TACR3: variants seen among roughly 807,000 people sequenced by gnomAD.
TACR3 encodes the protein tachykinin receptor 3, also known as neuromedin-K receptor.
Under a neutral mutation model 35.0 loss-of-function variants are expected in TACR3, and 34 were observed. The observed-to-expected ratio is 0.97, with a 90% CI of 0.74 to 1.30. The LOEUF is 1.30. Ranked by LOEUF, TACR3 falls within the 50% of genes most tolerant of loss-of-function variation. The pLI, the probability that TACR3 is intolerant of heterozygous loss-of-function variation, is 0.00. For missense variants in TACR3, 558 were observed against 591.7 expected (o/e 0.94, Z 0.59); for synonymous variants, 233 against 221.1 (o/e 1.05, Z -0.48).
At chr4:103,686,454 T>C (rs987550685) in intron 1 of TACR3, among the ~76,000 whole-genome samples, 11 of 152,042 alleles carry the variant, frequency 7.2e-5, no homozygotes, top group Admixed American at 2.0e-4. Flanking sequence ...AATGGTACCA[T>C]AGACCACAAA....
chr4:103,616,553 T>C (rs1011368308), intron 3 of TACR3, among the ~76,000 whole-genome samples: 3 of 152,152 alleles, frequency 2.0e-5, no homozygotes, highest in Admixed American at 6.6e-5. Flanking sequence ...ACCCTAATTT[T>C]CCCAGGTGTA....
intron 1 of TACR3, among the ~76,000 whole-genome samples, chr4:103,688,977 T>C (rs74677393): frequency 0.12 from 18,003 of 151,864 alleles, 1,471 homozygotes; most frequent in East Asian, 0.43. Context: ...CTATTCACAA[T>C]AGCAAAGACT....
At chr4:103,706,874 C>G in intron 1 of TACR3, among the ~76,000 whole-genome samples, 1 of 152,182 alleles carries the variant, frequency 6.6e-6, no homozygotes, top group East Asian at 1.9e-4. Flanking sequence ...CCATATATTA[C>G]AACTTTGAGT....
chr4:103,598,130 T>C (rs7654457), intron 3 of TACR3, among the ~76,000 whole-genome samples: 90,542 of 151,894 alleles, frequency 0.6, 27,640 homozygotes, highest in Non-Finnish European at 0.65. Flanking sequence ...TCCTGACTTT[T>C]TAATGATCAC....
chr4:103,624,759 T>C (rs1225041836), intron 3 of TACR3, among the ~76,000 whole-genome samples: 2 of 152,188 alleles, frequency 1.3e-5, no homozygotes, highest in Non-Finnish European at 2.9e-5. Flanking sequence ...GTAATTCCCT[T>C]TTGACTTGAA....
At position 103,719,159 on chromosome 4, in the gene TACR3, T is replaced by A; in HGVS notation, c.517A>T (p.Ile173Phe). ...FFPITAVFASIYSMTAIAVDR... is the reference protein window; with the variant it reads ...FFPITAVFASFYSMTAIAVDR... ...ACCGCAATGGCCGTCATGGAGTAGA[T>A]GCTGGCGAACACAGCTGTGATAGGA... The change falls in exon 1 of 5, where the codon ATC becomes TTC. Residue 173 changes from isoleucine to phenylalanine, a missense_variant. Physicochemically the swap from Ile to Phe is conservative, Grantham distance 21. Transcript: ENST00000304883. 6.2e-7 allele frequency: 1 copy of A among 1,614,198 alleles called. No individual in the cohort carries two copies. Among genetic ancestry groups the A allele is most frequent in the Non-Finnish European group, 8.5e-7 (1 of 1,180,030 alleles).
intron 1 of TACR3, among the ~76,000 whole-genome samples, chr4:103,669,985 A>G (rs1553910479): frequency 6.6e-6 from 1 of 151,782 alleles, no homozygotes; most frequent in Non-Finnish European, 1.5e-5. Context: ...TTTTTATTTG[A>G]TTTTTTATAT....
At chr4:103,606,450 T>C (rs1445154887) in intron 3 of TACR3, among the ~76,000 whole-genome samples, 4 of 152,340 alleles carry the variant, frequency 2.6e-5, no homozygotes, top group Admixed American at 6.5e-5. Context: ...ATTCTTCCTA[T>C]CCATGAGCAT....
intron 3 of TACR3, among the ~76,000 whole-genome samples, chr4:103,634,372 A>G (rs919944557): frequency 6.6e-6 from 1 of 151,940 alleles, no homozygotes; most frequent in Non-Finnish European, 1.5e-5. Flanking sequence ...AGGTTGGGGG[A>G]ATGAGATTGG....
intron 3 of TACR3, among the ~76,000 whole-genome samples, chr4:103,628,317 G>A (rs1322387033): frequency 6.6e-6 from 1 of 152,142 alleles, no homozygotes; most frequent in East Asian, 1.9e-4. Context: ...GAAGGAGATA[G>A]AGACACAAAA....
intron 3 of TACR3, among the ~76,000 whole-genome samples, chr4:103,622,075 T>G (rs1381332486): frequency 6.6e-6 from 1 of 152,124 alleles, no homozygotes; most frequent in African/African-American, 2.4e-5. Flanking sequence ...ACCAATGCCA[T>G]GGACAGGGAG....
intron 1 of TACR3, among the ~76,000 whole-genome samples, chr4:103,682,572 CAT>C (rs984006548): frequency 6.6e-6 from 1 of 152,088 alleles, no homozygotes; most frequent in African/African-American, 2.4e-5. Context: ...TCCCTCGACA[CAT>C]AGGGATTATG....
chr4:103,697,660 G>A (rs1417758678), intron 1 of TACR3, among the ~76,000 whole-genome samples: 3 of 151,878 alleles, frequency 2.0e-5, no homozygotes, highest in African/African-American at 4.8e-5. Context: ...TCCTGACCTC[G>A]TGATCCGCCC....
chr4:103,705,802 T>C (rs1054120807), intron 1 of TACR3, among the ~76,000 whole-genome samples: 2 of 152,148 alleles, frequency 1.3e-5, no homozygotes, highest in African/African-American at 4.8e-5. Context: ...ATTTATGAAC[T>C]TGAAAGAGGA....
At chr4:103,643,672 G>A (rs1461204934) in intron 3 of TACR3, among the ~76,000 whole-genome samples, 1 of 151,696 alleles carries the variant, frequency 6.6e-6, no homozygotes, top group Non-Finnish European at 1.5e-5. Context: ...TGAGTACAAC[G>A]ATATATGTCA....
intron 3 of TACR3, among the ~76,000 whole-genome samples, chr4:103,652,690 G>C (rs1348917405): frequency 6.6e-6 from 1 of 151,800 alleles, no homozygotes; most frequent in Non-Finnish European, 1.5e-5. Context: ...TTAAGAGTCT[G>C]GCTCAGAGTA....
At chr4:103,686,225 AC>A in intron 1 of TACR3, among the ~76,000 whole-genome samples, 1 of 152,104 alleles carries the variant, frequency 6.6e-6, no homozygotes, top group East Asian at 1.9e-4. Context: ...GAGATACTAG[AC>A]CCTGGATGAA....
At chr4:103,673,314 C>A (rs1169477371) in intron 1 of TACR3, among the ~76,000 whole-genome samples, 1 of 152,166 alleles carries the variant, frequency 6.6e-6, no homozygotes, top group African/African-American at 2.4e-5. Flanking sequence ...TAAGCTTAAT[C>A]ATTTCTAGCT....
At chr4:103,705,289 A>T (rs1578265638) in intron 1 of TACR3, among the ~76,000 whole-genome samples, 1 of 152,102 alleles carries the variant, frequency 6.6e-6, no homozygotes, top group African/African-American at 2.4e-5. Flanking sequence ...ATATGTGTAA[A>T]AATGCCTGTT....
Sources: allele counts gnomAD v4.1 joint callset (sites outside exome capture counted in the v4.1 genomes callset), GRCh38; gene constraint gnomAD v4.1.1; transcripts MANE v1.5; gene names NCBI Gene and HGNC (gene_info 2026-07-23, HGNC 2026-07-21).